Variants in CFAP77 observed in about 807,000 individuals in gnomAD.
CFAP77 encodes the protein cilia- and flagella-associated protein 77.
A neutral mutation model predicts 31.1 loss-of-function variants in CFAP77; 25 were observed. The ratio of observed to expected loss-of-function variants is 0.80; its 90% CI spans 0.59 to 1.12. CFAP77 has a LOEUF of 1.12. Among genes scored for constraint, CFAP77 ranks in the 50% most tolerant of loss-of-function variants. The pLI is 0.00. For synonymous variants in CFAP77, 151 were observed against 159.9 expected (o/e 0.94, Z 0.42); for missense variants, 377 against 397.3 (o/e 0.95, Z 0.44).
At chr9:132,496,207 A>T (rs528401316) in intron 1 of CFAP77, among the ~76,000 whole-genome samples, 207 of 127,104 alleles carry the variant, frequency 1.6e-3, no homozygotes, top group Middle Eastern at 8.6e-3. Flanking sequence ...CTATTTTTTT[A>T]AAAAAAACCT....
In CFAP77 at chr9:132,537,671, AC is replaced by A; in HGVS notation, c.598del (p.Gln200ArgfsTer25). On this transcript the variant is annotated frameshift_variant, in exon 4 of 6. Transcript: ENST00000393216. LOFTEE classifies it high-confidence loss of function. ...LQLWVQEQKATQKAIKLEKKQ... is the reference protein window; with the variant it reads ...LQLWVQEQKAXQKAIKLEKKQ... ...GCTGTGGGTACAGGAACAAAAGGCC[AC>A]CCAGAAAGCCATCAAACTGGAGAAG... 1 of 1,613,582 alleles carries A rather than the reference AC, an allele frequency of 6.2e-7. No homozygotes were observed.
At chr9:132,428,301 C>T (rs910826260) in intron 1 of CFAP77, among the ~76,000 whole-genome samples, 9 of 151,878 alleles carry the variant, frequency 5.9e-5, no homozygotes, top group Admixed American at 1.3e-4. Flanking sequence ...TGAGCCACTG[C>T]GCCCAGCCAG....
At chr9:132,526,839 C>A (rs368752495) in intron 3 of CFAP77, among the ~76,000 whole-genome samples, 2 of 48,620 alleles carry the variant, frequency 4.1e-5, no homozygotes, top group African/African-American at 1.6e-4. Context: ...CAATAACAGG[C>A]TCTGAAATTG....
chr9:132,417,216 G>A (rs1204488389), intron 1 of CFAP77, among the ~76,000 whole-genome samples: 1 of 151,198 alleles, frequency 6.6e-6, no homozygotes, highest in African/African-American at 2.4e-5. Flanking sequence ...CCAGGTTCAA[G>A]CAATTCTCTT....
chr9:132,464,807 C>A (rs1851121460), intron 1 of CFAP77, among the ~76,000 whole-genome samples: 1 of 151,984 alleles, frequency 6.6e-6, no homozygotes, highest in African/African-American at 2.4e-5. Flanking sequence ...CTTGGAAATG[C>A]TGGGCCGGGC....
intron 1 of CFAP77, among the ~76,000 whole-genome samples, chr9:132,443,347 G>T (rs111491381): frequency 1.3e-5 from 2 of 150,148 alleles, no homozygotes; most frequent in Admixed American, 6.7e-5. Flanking sequence ...TCCGCCTCCC[G>T]GGTTCAAGCG....
intron 3 of CFAP77, among the ~76,000 whole-genome samples, chr9:132,516,055 C>T (rs1159056735): frequency 6.6e-6 from 1 of 152,128 alleles, no homozygotes; most frequent in Admixed American, 6.5e-5. Context: ...GTGGTGGGGA[C>T]TGCAGCAAAC....
intron 1 of CFAP77, among the ~76,000 whole-genome samples, chr9:132,418,258 G>A (rs2131677489): frequency 6.6e-6 from 1 of 152,358 alleles, no homozygotes; most frequent in South Asian, 2.1e-4. Flanking sequence ...CCTGGCGAGG[G>A]GGTGCTGGTG....
intron 1 of CFAP77, among the ~76,000 whole-genome samples, chr9:132,469,219 A>G (rs1755320055): frequency 6.6e-6 from 1 of 152,216 alleles, no homozygotes; most frequent in South Asian, 2.1e-4. Context: ...CTGGAGGACC[A>G]GCTCATGCAA....
rs1472182002 is a variant in CFAP77 at position 132,572,575 on chromosome 9, A to G, written c.*65A>G. The stretch of plus-strand genomic sequence containing the variant: ...TGGAAAATTCCCAGAAGGACTCCCT[A>G]TCTTGCCCCAACCCTGACATTCCCC... On this transcript the variant is annotated 3_prime_UTR_variant, in exon 6 of 6. Coordinates refer to ENST00000393216, the MANE Select transcript of CFAP77 (RefSeq NM_001282957.2). 7 of 1,513,734 alleles carry G rather than the reference A, an allele frequency of 4.6e-6. No homozygotes were observed. The highest frequency in any genetic ancestry group is 1.7e-4 in the Middle Eastern group (1 of 5,814). The allele number at this position is 1,513,734 out of a possible 1,614,324, so 93.8% of individuals were successfully genotyped here.
chr9:132,500,035 A>T (rs1035659069), intron 3 of CFAP77, among the ~76,000 whole-genome samples: 3 of 151,810 alleles, frequency 2.0e-5, no homozygotes, highest in African/African-American at 4.8e-5. Context: ...TGCTTATAGT[A>T]CCAGTTACTT....
intron 1 of CFAP77, among the ~76,000 whole-genome samples, chr9:132,419,434 G>A (rs1172323919): frequency 2.0e-5 from 3 of 152,202 alleles, no homozygotes. Flanking sequence ...GCCAAAGCTC[G>A]GATGCCACAG....
At chr9:132,561,663 C>CACACA (rs1564253366) in intron 5 of CFAP77, among the ~76,000 whole-genome samples, 61 of 50,754 alleles carry the variant, frequency 1.2e-3, no homozygotes, top group African/African-American at 3.8e-3. Context: ...ACACACACAC[C>CACACA]CCCTCCATGT....
At chr9:132,519,574 A>ATGGATG (rs1852222731) in intron 3 of CFAP77, among the ~76,000 whole-genome samples, 1 of 41,804 alleles carries the variant, frequency 2.4e-5, no homozygotes, top group Non-Finnish European at 4.5e-5. Flanking sequence ...ATGGATGGAT[A>ATGGATG]GATGGATGGA....
At chr9:132,485,549 A>T (rs903212271) in intron 1 of CFAP77, among the ~76,000 whole-genome samples, 6 of 152,148 alleles carry the variant, frequency 3.9e-5, no homozygotes, top group Non-Finnish European at 7.3e-5. Flanking sequence ...GCTCCTAATT[A>T]TGCCAGGCTC....
intron 3 of CFAP77, among the ~76,000 whole-genome samples, chr9:132,518,485 T>G (rs936041353): frequency 2.6e-5 from 4 of 152,176 alleles, no homozygotes; most frequent in Non-Finnish European, 5.9e-5. Flanking sequence ...CACGGGCAAC[T>G]CGCTCCATTT....
At chr9:132,429,537 CAA>C (rs762588728) in intron 1 of CFAP77, among the ~76,000 whole-genome samples, 6,711 of 38,460 alleles carry the variant, frequency 0.17, 72 homozygotes, top group African/African-American at 0.23. Context: ...GACTTCAACT[CAA>C]AAAAAAAAAA....
chr9:132,559,263 T>C (rs900941111), intron 5 of CFAP77, among the ~76,000 whole-genome samples: 1 of 142,554 alleles, frequency 7.0e-6, no homozygotes, highest in African/African-American at 2.7e-5. Context: ...AAGAATGGCA[T>C]GAACCCGGGA....
intron 5 of CFAP77, among the ~76,000 whole-genome samples, chr9:132,555,813 A>G (rs940756116): frequency 6.6e-6 from 1 of 152,112 alleles, no homozygotes; most frequent in Non-Finnish European, 1.5e-5. Context: ...AGCAAATGAG[A>G]TCTCCGCGTT....
Sources: allele counts gnomAD v4.1 joint callset (sites outside exome capture counted in the v4.1 genomes callset), GRCh38; gene constraint gnomAD v4.1.1; transcripts MANE v1.5; gene names NCBI Gene and HGNC (gene_info 2026-07-23, HGNC 2026-07-21).